Variants in SLC4A10 observed in about 807,000 individuals in gnomAD.
SLC4A10 encodes solute carrier family 4 member 10.
SLC4A10 carries 42 observed loss-of-function variants against 137.7 expected under a neutral mutation model. That is an observed-to-expected ratio of 0.30 (90% CI 0.24 to 0.39). SLC4A10 has a LOEUF of 0.39. Ranked by LOEUF, SLC4A10 falls within the 10% of genes least tolerant of loss-of-function variation. The pLI, the probability that SLC4A10 is intolerant of heterozygous loss-of-function variation, is 1.00. For missense variants in SLC4A10, 925 were observed against 1,355.0 expected (o/e 0.68, Z 4.98); for synonymous variants, 474 against 464.1 (o/e 1.02, Z -0.27).
chr2:161,715,315 G>A (rs2044729791), intron 1 of SLC4A10, among the ~76,000 whole-genome samples: 1 of 152,004 alleles, frequency 6.6e-6, no homozygotes, highest in South Asian at 2.1e-4. Flanking sequence ...TGAAACTACT[G>A]TGAAAGACTT....
chr2:161,654,109 A>G (rs957260364), intron 1 of SLC4A10, among the ~76,000 whole-genome samples: 5 of 152,134 alleles, frequency 3.3e-5, no homozygotes, highest in Non-Finnish European at 7.4e-5. Flanking sequence ...AAGTAATTCA[A>G]TTTGCATTTC....
intron 15 of SLC4A10, among the ~76,000 whole-genome samples, chr2:161,906,821 G>A (rs779607568): frequency 2.0e-5 from 3 of 152,024 alleles, no homozygotes; most frequent in East Asian, 3.9e-4. Flanking sequence ...TTGGGAGGCC[G>A]AGGCGGGCGG....
At chr2:161,712,091 A>G (rs933048791) in intron 1 of SLC4A10, among the ~76,000 whole-genome samples, 2 of 151,866 alleles carry the variant, frequency 1.3e-5, no homozygotes, top group African/African-American at 2.4e-5. Context: ...CCAAAAATAT[A>G]TGCTACACTG....
rs375357272 is a variant in SLC4A10, at chr2:161,831,948, C to T, written c.278-7841C>T. 3.3e-5 allele frequency among the ~76,000 whole-genome samples: 5 copies of T among 152,226 alleles called. No homozygotes were observed. In the South Asian group the frequency reaches 6.2e-4, roughly 19 times the overall value. ...TCTTTTGGGCAAAGGCACTAAGTGC[C>T]TTTGTGCCTGTCTGTCTTTACAAGT... On this transcript the variant is annotated intron_variant, in intron 3 of 26. Coordinates refer to ENST00000446997, the MANE Select transcript of SLC4A10 (RefSeq NM_001178015.2).
intron 1 of SLC4A10, among the ~76,000 whole-genome samples, chr2:161,720,306 T>G (rs1378602866): frequency 2.0e-5 from 3 of 152,190 alleles, no homozygotes; most frequent in East Asian, 3.9e-4. Flanking sequence ...AGCCTTGTAG[T>G]ATAGTTTGAA....
chr2:161,830,088 A>T (rs2125733372), intron 3 of SLC4A10, among the ~76,000 whole-genome samples: 1 of 152,172 alleles, frequency 6.6e-6, no homozygotes, highest in African/African-American at 2.4e-5. Flanking sequence ...ATATACATTT[A>T]AAAATTGACA....
intron 26 of SLC4A10, among the ~76,000 whole-genome samples, chr2:161,978,384 C>A (rs377096036): frequency 3.5e-3 from 314 of 90,364 alleles, no homozygotes; most frequent in East Asian, 4.4e-3. Flanking sequence ...GAGACTCTGT[C>A]AAAAAAAAAA....
intron 21 of SLC4A10, among the ~76,000 whole-genome samples, chr2:161,962,039 A>C (rs1696811690): frequency 6.6e-6 from 1 of 152,192 alleles, no homozygotes; most frequent in South Asian, 2.1e-4. Flanking sequence ...CCAAATGTAA[A>C]ACTCAGAATA....
At position 161,872,258 on chromosome 2, in the gene SLC4A10, A is replaced by C. The variant is rs2061174930; in HGVS notation, c.767-35A>C. 7.9e-6 allele frequency: 12 copies of C among 1,515,690 alleles called. No homozygotes were observed. In the East Asian group the frequency reaches 2.7e-4, roughly 34 times the overall value. 93.9% of individuals were successfully genotyped at this position (1,515,690 alleles called of 1,614,324 possible). Reference sequence around the variant, plus strand: ...TCAGTATGTCTACAACTATGTAAGTAATTGTTTGTATTCTGTCACAACAAT... The same window carrying C: ...TCAGTATGTCTACAACTATGTAAGTCATTGTTTGTATTCTGTCACAACAAT... On this transcript the variant is annotated intron_variant, in intron 6 of 26. Transcript: ENST00000446997.
Position 161,658,916 on chromosome 2 carries a change from G to A in SLC4A10, c.48+34350G>A, listed in dbSNP as rs76951354. ...AGTTTTGTATTTCTTTTTAAAATTA[G>A]TATTTAAAGATTTAATTGCCACTTA... is the stretch of plus-strand genomic sequence containing the variant. On this transcript the variant is annotated intron_variant, in intron 1 of 26. Transcript: ENST00000446997. 6.6e-3 allele frequency among the ~76,000 whole-genome samples: 1,008 copies of A among 152,122 alleles called. 6 individuals are homozygous for A. The highest frequency in any genetic ancestry group is 0.023 in the African/African-American group (948 of 41,502).
At chr2:161,786,095 G>A (rs866552229) in intron 2 of SLC4A10, among the ~76,000 whole-genome samples, 3 of 151,766 alleles carry the variant, frequency 2.0e-5, no homozygotes, top group Non-Finnish European at 4.4e-5. Context: ...ATAAATCTGG[G>A]TGGTCAGGTA....
At chr2:161,640,720 A>G (rs1239000894) in intron 1 of SLC4A10, among the ~76,000 whole-genome samples, 1 of 148,906 alleles carries the variant, frequency 6.7e-6, no homozygotes, top group Non-Finnish European at 1.5e-5. Context: ...CGCTGGTTAC[A>G]GGCATGGTCA....
chr2:161,823,658 G>A (rs1488429289), intron 3 of SLC4A10, among the ~76,000 whole-genome samples: 1 of 152,164 alleles, frequency 6.6e-6, no homozygotes, highest in Non-Finnish European at 1.5e-5. Flanking sequence ...GTTGCCCACC[G>A]TTTCAGGCAG....
At chr2:161,661,442 C>G (rs554390952) in intron 1 of SLC4A10, among the ~76,000 whole-genome samples, 1 of 152,236 alleles carries the variant, frequency 6.6e-6, no homozygotes. Context: ...CCACTGCACT[C>G]CAGCCTGGCA....
At chr2:161,717,045 T>G (rs1457538148) in intron 1 of SLC4A10, among the ~76,000 whole-genome samples, 3 of 152,184 alleles carry the variant, frequency 2.0e-5, no homozygotes, top group Admixed American at 6.5e-5. Context: ...AGGTATTTTA[T>G]TCTCTTTGTA....
chr2:161,625,066 CGTGTGTGTGTGTGTGTGT>C (rs5835872), intron 1 of SLC4A10, among the ~76,000 whole-genome samples: 3 of 144,202 alleles, frequency 2.1e-5, no homozygotes, highest in African/African-American at 7.8e-5. Context: ...ACAGAAGGAT[CGTGTGTGTGTGTGTGTGT>C]GTGTGTGTGT....
In SLC4A10 at chr2:161,863,077, A is replaced by G; in HGVS notation, c.766+15A>G. 4.3e-6 allele frequency: 7 copies of G among 1,611,934 alleles called. No homozygotes were observed. Among genetic ancestry groups the G allele is most frequent in the Non-Finnish European group, 5.9e-6 (7 of 1,178,576 alleles). Reference sequence around the variant, plus strand: ...GGACAAAAATGGTAAATGTTTATTTATTGTGCTCTTTATGTCTACTATAGG... The same window carrying G: ...GGACAAAAATGGTAAATGTTTATTTGTTGTGCTCTTTATGTCTACTATAGG... On this transcript the variant is annotated intron_variant, in intron 6 of 26. Transcript: ENST00000446997.
At chr2:161,847,018 C>A (rs1445157051) in intron 4 of SLC4A10, among the ~76,000 whole-genome samples, 1 of 151,294 alleles carries the variant, frequency 6.6e-6, no homozygotes, top group Non-Finnish European at 1.5e-5. Context: ...AGGAGGATTA[C>A]TTGAGGCCAG....
chr2:161,742,633 T>G (rs1293168102), intron 1 of SLC4A10, among the ~76,000 whole-genome samples: 1 of 151,708 alleles, frequency 6.6e-6, no homozygotes, highest in African/African-American at 2.4e-5. Context: ...AGAGATGGGG[T>G]TTCACCATGT....
Sources: allele counts gnomAD v4.1 joint callset (sites outside exome capture counted in the v4.1 genomes callset), GRCh38; gene constraint gnomAD v4.1.1; transcripts MANE v1.5; gene names NCBI Gene and HGNC (gene_info 2026-07-23, HGNC 2026-07-21).